The following MAP4K4 variants were observed in gnomAD, a reference collection of about 807,000 sequenced individuals.
MAP4K4 encodes the protein mitogen-activated protein kinase kinase kinase kinase 4, also known as HPK/GCK-like kinase HGK.
MAP4K4 carries 38 observed loss-of-function variants against 189.6 expected under a neutral mutation model. The ratio of observed to expected loss-of-function variants is 0.20; its 90% confidence interval spans 0.15 to 0.26. The LOEUF is 0.26. Ranked by LOEUF, MAP4K4 falls within the 10% of genes least tolerant of loss-of-function variation. The probability of loss-of-function intolerance (pLI) is 1.00; values close to 1 mark genes in which losing one functional copy is unlikely to be tolerated. For missense variants in MAP4K4, 1,054 were observed against 1,726.9 expected (o/e 0.61, Z 6.91); for synonymous variants, 610 against 624.3 (o/e 0.98, Z 0.34).
At chr2:101,699,917 T>C (rs1440700351) in intron 2 of MAP4K4, among the ~76,000 whole-genome samples, 2 of 152,216 alleles carry the variant, frequency 1.3e-5, no homozygotes, top group African/African-American at 4.8e-5. Flanking sequence ...CTTTGGAAAA[T>C]TTTGGAAAAG....
At chr2:101,845,448 C>T (rs13387667) in intron 12 of MAP4K4, among the ~76,000 whole-genome samples, 7 of 152,194 alleles carry the variant, frequency 4.6e-5, no homozygotes, top group Non-Finnish European at 7.4e-5. Flanking sequence ...TTAGGTGATC[C>T]GTCATTGTGG....
intron 3 of MAP4K4, among the ~76,000 whole-genome samples, chr2:101,804,105 G>A (rs925893811): frequency 3.9e-5 from 6 of 152,132 alleles, no homozygotes; most frequent in Admixed American, 6.5e-5. Flanking sequence ...TGAACAGCCC[G>A]TCTGTTCTAT....
chr2:101,702,887 CTG>C (rs2039811650), intron 2 of MAP4K4, among the ~76,000 whole-genome samples: 2 of 152,152 alleles, frequency 1.3e-5, no homozygotes, highest in South Asian at 4.1e-4. Context: ...CCATTTGACA[CTG>C]TGCTCATGTT....
intron 2 of MAP4K4, among the ~76,000 whole-genome samples, chr2:101,705,717 GT>G (rs2041980989): frequency 6.6e-6 from 1 of 152,152 alleles, no homozygotes; most frequent in African/African-American, 2.4e-5. Flanking sequence ...TCTTGCTGTG[GT>G]CAGCAGACCA....
In MAP4K4 at chr2:101,758,668, G is replaced by A. The variant is rs575049889; in HGVS notation, c.124-32052G>A. On this transcript the variant is annotated intron_variant, in intron 2 of 32. Transcript: ENST00000324219. Reference sequence around the variant, plus strand: ...GATAACCATAACCCTGACTGATCCCGTAGCTTTCCTTTTAGGAGGAACTAC... The same window carrying A: ...GATAACCATAACCCTGACTGATCCCATAGCTTTCCTTTTAGGAGGAACTAC... 3.3e-5 allele frequency among the ~76,000 whole-genome samples: 5 copies of A among 152,234 alleles called. No homozygotes were observed. The South Asian group carries it at 6.2e-4, about 19-fold the overall frequency.
At chr2:101,771,821 C>T (rs1300719433) in intron 2 of MAP4K4, among the ~76,000 whole-genome samples, 1 of 152,228 alleles carries the variant, frequency 6.6e-6, no homozygotes, top group Non-Finnish European at 1.5e-5. Flanking sequence ...AGAAGACTCC[C>T]AATTGACCCT....
chr2:101,841,257 T>C (rs1001811354), intron 10 of MAP4K4, among the ~76,000 whole-genome samples: 3 of 152,190 alleles, frequency 2.0e-5, no homozygotes, highest in Admixed American at 6.5e-5. Flanking sequence ...AATTAGTAAT[T>C]TGTAGTGTAA....
At chr2:101,894,142 A>G (rs913264851) in exon 33 of MAP4K4, 1 of 152,782 alleles carries the variant, frequency 6.5e-6, no homozygotes, top group Non-Finnish European at 1.5e-5. Context: ...TAACTTCTCC[A>G]CAGAAGTGCC....
intron 2 of MAP4K4, among the ~76,000 whole-genome samples, chr2:101,719,737 C>T (rs1217533667): frequency 2.0e-5 from 3 of 152,118 alleles, no homozygotes; most frequent in East Asian, 3.9e-4. Context: ...GGGGGCCAGG[C>T]GTGGTGGCTC....
intron 2 of MAP4K4, among the ~76,000 whole-genome samples, chr2:101,771,820 C>G (rs1377921550): frequency 1.3e-5 from 2 of 152,176 alleles, no homozygotes; most frequent in Admixed American, 1.3e-4. Flanking sequence ...GAGAAGACTC[C>G]CAATTGACCC....
At chr2:101,707,233 G>C (rs546859616) in intron 2 of MAP4K4, among the ~76,000 whole-genome samples, 1 of 136,172 alleles carries the variant, frequency 7.3e-6, no homozygotes, top group African/African-American at 2.8e-5. Context: ...TTTTTTTTGA[G>C]ACAGTCTCAC....
intron 3 of MAP4K4, among the ~76,000 whole-genome samples, chr2:101,820,530 C>T (rs1010661226): frequency 6.6e-6 from 1 of 152,238 alleles, no homozygotes. Context: ...AGTTCACTTT[C>T]TGGTCACCCA....
chr2:101,797,219 G>C, intron 3 of MAP4K4: 1 of 1,288,422 alleles, frequency 7.8e-7, no homozygotes. Flanking sequence ...TCTGTGGCCT[G>C]TGGGACCTAT....
chr2:101,866,426 A>G lies in MAP4K4; in HGVS notation c.2205-2A>G, dbSNP rs772161573. The G allele has an allele frequency of 6.2e-7, 1 of 1,607,288 alleles. No homozygotes were observed. The highest frequency in any genetic ancestry group is 8.5e-7 in the Non-Finnish European group (1 of 1,174,500). Reference sequence around the variant, plus strand: ...CTGTTCTCTCTTCTTCTTTTCTAACAGCAGTATTGAGCCCAGGCTTCTGTG... The same window carrying G: ...CTGTTCTCTCTTCTTCTTTTCTAACGGCAGTATTGAGCCCAGGCTTCTGTG... On this transcript the variant is annotated splice_acceptor_variant, in intron 18 of 32. Transcript: ENST00000324219. LOFTEE classifies it high-confidence loss of function.
intron 2 of MAP4K4, among the ~76,000 whole-genome samples, chr2:101,746,471 TA>T (rs2065652233): frequency 6.6e-6 from 1 of 152,122 alleles, no homozygotes; most frequent in Non-Finnish European, 1.5e-5. Flanking sequence ...GCCATGGTAA[TA>T]CATATTATAT....
chr2:101,797,286 G>A (rs771604508), intron 3 of MAP4K4: 15 of 1,290,658 alleles, frequency 1.2e-5, no homozygotes, highest in Non-Finnish European at 1.3e-5. Flanking sequence ...TTACAGCTTC[G>A]TACTGGCTTC....
rs1308629071 is a variant in MAP4K4, at chr2:101,790,813, G to A, written c.180+37G>A. ...TCACACACATTTTTAAATAATGTTA[G>A]ATGGAAGACAAAGATTCCCCCAACA... On this transcript the variant is annotated intron_variant, in intron 3 of 32. Transcript: ENST00000324219. 3.3e-6 allele frequency: 5 copies of A among 1,505,062 alleles called. No individual in the cohort carries two copies. In the South Asian group the frequency reaches 5.8e-5, roughly 18 times the overall value. 93.2% of individuals were successfully genotyped at this position (1,505,062 alleles called of 1,614,324 possible).
chr2:101,823,634 C>T (rs1273495569), intron 3 of MAP4K4, among the ~76,000 whole-genome samples: 5 of 152,152 alleles, frequency 3.3e-5, no homozygotes, highest in Admixed American at 2.0e-4. Context: ...AAGTGGAGTG[C>T]ATTGCCCGAG....
At chr2:101,880,179 G>C (rs141057794) in intron 27 of MAP4K4, among the ~76,000 whole-genome samples, 7 of 152,240 alleles carry the variant, frequency 4.6e-5, no homozygotes, top group African/African-American at 1.7e-4. Flanking sequence ...TTGCAGAAGA[G>C]AAGTTTTTAT....
Sources: gnomAD v4.1 joint callset for allele counts (sites outside exome capture counted in the v4.1 genomes callset) on GRCh38, gnomAD v4.1.1 for gene constraint, MANE v1.5 for transcripts, NCBI Gene and HGNC (gene_info 2026-07-23, HGNC 2026-07-21) for gene names.